TFAP2C: variants seen among roughly 807,000 people sequenced by gnomAD.
The protein encoded by TFAP2C is activating enhancer-binding protein 2 gamma.
Under a neutral mutation model 42.9 loss-of-function variants are expected in TFAP2C, and 9 were observed. That is an observed-to-expected ratio of 0.21 (90% CI 0.13 to 0.37). The LOEUF (loss-of-function observed/expected upper bound fraction) is 0.37. TFAP2C is among the 10% of genes least tolerant of loss of function. The pLI is 1.00. For missense variants in TFAP2C, 462 were observed against 591.7 expected, an observed-to-expected ratio of 0.78 and a Z score of 2.27; for synonymous variants, 264 against 256.0, an observed-to-expected ratio of 1.03 and a Z score of -0.30.
At position 56,629,759 on chromosome 20, in the gene TFAP2C, T is replaced by C. The variant is rs1418569801; in HGVS notation, c.48+167T>C. Among the ~76,000 whole-genome samples, 2 of 151,748 alleles carry C rather than the reference T, an allele frequency of 1.3e-5. No individual in the cohort carries two copies. The highest frequency in any genetic ancestry group is 2.0e-4 in the East Asian group (1 of 5,114). On this transcript the variant is annotated intron_variant, in intron 1 of 6. Coordinates refer to ENST00000201031, the MANE Select transcript of TFAP2C (RefSeq NM_003222.4). This position sits in a 1 kb window ranked among gnomAD's most constrained non-coding sequence, Gnocchi z 5.9. ...GTCCATTTCTGCGGGGCCCCTTTCC[T>C]GTATAGGGCCTTTTCCTAAATAGCC... is the stretch of plus-strand genomic sequence containing the variant.
chr20:56,636,538 AAAGAG>A (rs901062566), intron 5 of TFAP2C, 67 bp from the exon 6 acceptor site: 2 of 1,512,254 alleles, frequency 1.3e-6, no homozygotes, highest in Admixed American at 2.2e-5. Flanking sequence ...AAAAAAAAAA[AAAGAG>A]AGAGGAAAAG....
intron 5 of TFAP2C, among the ~76,000 whole-genome samples, chr20:56,635,470 T>G (rs918202437): frequency 6.6e-6 from 1 of 152,030 alleles, no homozygotes; most frequent in Admixed American, 6.6e-5. Context: ...AAAAGGGTGC[T>G]CCAAGTTGGT....
At position 56,634,760 on chromosome 20, in the gene TFAP2C, T is replaced by C. The variant is rs896495569; in HGVS notation, c.922+492T>C. On this transcript the variant is annotated intron_variant, in intron 5 of 6. Coordinates refer to ENST00000201031, the MANE Select transcript of TFAP2C (RefSeq NM_003222.4). ...ACGACTGGCCCGATTCACAATTCTA[T>C]TCTTCCCTCCCATCCAAAGAAAAAA... 3.3e-5 allele frequency among the ~76,000 whole-genome samples: 5 copies of C among 152,102 alleles called. 1 individual carries two copies. The South Asian group carries it at 1.0e-3, about 31-fold the overall frequency.
rs1322829509 is a variant in TFAP2C, at chr20:56,630,514, G to GCT, written c.49-690_49-689insTC. On this transcript the variant is annotated intron_variant, in intron 1 of 6. Coordinates refer to ENST00000201031, the MANE Select transcript of TFAP2C (RefSeq NM_003222.4). The surrounding 1 kb of genome is among the most constrained non-coding windows in gnomAD (Gnocchi z 5.1). ...TCATGCCCCCTCTGCGCCCCGACGTGCGAGAACACTGCCCTTGGCAGTGCA... is the reference window on the plus strand; with the variant it reads ...TCATGCCCCCTCTGCGCCCCGACGTGCTCGAGAACACTGCCCTTGGCAGTGCA... 1 of 352,046 alleles carries GCT rather than the reference G, an allele frequency of 2.8e-6. No homozygotes were observed. The highest frequency in any genetic ancestry group is 5.5e-6 in the Non-Finnish European group (1 of 182,964). The allele number at this position is 352,046 out of a possible 1,614,324, so 21.8% of individuals were successfully genotyped here.
rs1472080764 is a variant in TFAP2C, at chr20:56,638,658, CCTT to C, written c.*646_*648del. ...GAAGCCTGCTGATTGATTTTTTTCT[CCTT>C]TTTTTTTTTTTTTTTTTTTAACTTT... On this transcript the variant is annotated 3_prime_UTR_variant, in exon 7 of 7. Transcript: ENST00000201031. The C allele has an allele frequency of 1.4e-4, 19 of 136,478 alleles. No individual in the cohort carries two copies. Among genetic ancestry groups the C allele is most frequent in the African/African-American group, 4.8e-4 (17 of 35,550 alleles). 8.5% of individuals were successfully genotyped at this position (136,478 alleles called of 1,614,324 possible).
In TFAP2C at chr20:56,634,275, G is replaced by A; in HGVS notation, c.922+7G>A. 1 of 1,595,396 alleles carries A rather than the reference G, an allele frequency of 6.3e-7. No homozygotes were observed. The highest frequency in any genetic ancestry group is 1.7e-4 in the Middle Eastern group (1 of 6,026). Reference sequence around the variant, plus strand: ...CTGACATCCTTAGTAGAAGGTCAGTGGGGTTTTGTTTTTGGTTCGTGATGT... The same window carrying A: ...CTGACATCCTTAGTAGAAGGTCAGTAGGGTTTTGTTTTTGGTTCGTGATGT... On this transcript the variant is annotated splice_region_variant and intron_variant, in intron 5 of 6. Transcript: ENST00000201031.
In TFAP2C at chr20:56,638,250, C is replaced by A; in HGVS notation, c.*237C>A. On this transcript the variant is annotated 3_prime_UTR_variant, in exon 7 of 7. Transcript: ENST00000201031. ...TATCAGAAGGTGACAAGTACTGGCT[C>A]TTTATTCATTAAGCTTTTTTTTTTT... The A allele has an allele frequency of 2.2e-6, 1 of 450,638 alleles. No individual in the cohort carries two copies. Among genetic ancestry groups the A allele is most frequent in the Non-Finnish European group, 3.9e-6 (1 of 255,654 alleles). 27.9% of individuals were successfully genotyped at this position (450,638 alleles called of 1,614,324 possible).
chr20:56,632,502 T>C (rs1307316863), intron 3 of TFAP2C, among the ~76,000 whole-genome samples: 1 of 152,200 alleles, frequency 6.6e-6, no homozygotes, highest in African/African-American at 2.4e-5. Flanking sequence ...TTGACTGTTT[T>C]GGGAAATAGA....
chr20:56,631,714 C>A lies in TFAP2C; in HGVS notation c.534+24C>A. The A allele has an allele frequency of 6.2e-7, 1 of 1,604,888 alleles. No individual in the cohort carries two copies. Among genetic ancestry groups the A allele is most frequent in the Non-Finnish European group, 8.5e-7 (1 of 1,175,812 alleles). On this transcript the variant is annotated intron_variant, in intron 2 of 6. Transcript: ENST00000201031. This position sits in a 1 kb window ranked among gnomAD's most constrained non-coding sequence, Gnocchi z 6.1. ...AGGTGAGCGGCGCTGCGGCTCCTGA[C>A]CGGACCTGTTCACCCTACGGCCTTC...
intron 5 of TFAP2C, 149 bp from the exon 6 acceptor site, chr20:56,636,461 G>C: frequency 5.2e-6 from 4 of 764,946 alleles, no homozygotes; most frequent in African/African-American, 1.8e-5. Flanking sequence ...CGGAGGTGGA[G>C]GTTGCAGTGA....
Position 56,634,204 on chromosome 20 carries a change from G to C in TFAP2C, c.858G>C (p.Gly286=). 1 of 1,614,220 alleles carries C rather than the reference G, an allele frequency of 6.2e-7. No homozygotes were observed. Among genetic ancestry groups the C allele is most frequent in the Non-Finnish European group, 8.5e-7 (1 of 1,180,046 alleles). ...RSLREKLDKI[G]LNLPAGRRKA... is the part of the protein sequence containing the mutation. ...TGCGGGAGAAGTTGGACAAGATTGG[G>C]TTGAATCTTCCGGCCGGGAGGCGGA... The change falls in exon 5 of 7, where the codon GGG becomes GGC. Residue 286 remains glycine, a synonymous_variant. Transcript: ENST00000201031.
chr20:56,635,524 C>G (rs988880063), intron 5 of TFAP2C, among the ~76,000 whole-genome samples: 1 of 151,970 alleles, frequency 6.6e-6, no homozygotes, highest in African/African-American at 2.4e-5. Flanking sequence ...AAGAAACATT[C>G]TAGAGATCTG....
In TFAP2C at chr20:56,629,519, G is replaced by T. The variant is rs778682150; in HGVS notation, c.-26G>T. 2.9e-6 allele frequency: 4 copies of T among 1,402,062 alleles called. No individual in the cohort carries two copies. In the East Asian group the frequency reaches 8.2e-5, roughly 29 times the overall value. 86.9% of individuals were successfully genotyped at this position (1,402,062 alleles called of 1,614,324 possible). ...TGGGGGGATCCTGGATTTAACTGGC[G>T]ACTGTTTTGGGGGACGCCGGACGCC... is the stretch of plus-strand genomic sequence containing the variant. On this transcript the variant is annotated 5_prime_UTR_variant, in exon 1 of 7. Transcript: ENST00000201031. The surrounding 1 kb of genome is among the most constrained non-coding windows in gnomAD (Gnocchi z 5.9).
In TFAP2C at chr20:56,629,738, A is replaced by G. The variant is rs555662440; in HGVS notation, c.48+146A>G. On this transcript the variant is annotated intron_variant, in intron 1 of 6. Transcript: ENST00000201031. This position sits in a 1 kb window ranked among gnomAD's most constrained non-coding sequence, Gnocchi z 5.9. ...CACTTCTCCGGACACCCCTTAGTCC[A>G]TTTCTGCGGGGCCCCTTTCCTGTAT... 2.3e-5 allele frequency: 12 copies of G among 529,480 alleles called. No individual in the cohort carries two copies. In the South Asian group the frequency reaches 3.1e-4, roughly 13 times the overall value. 32.8% of individuals were successfully genotyped at this position (529,480 alleles called of 1,614,324 possible).
chr20:56,638,030 G>T lies in TFAP2C; in HGVS notation c.*17G>T. 6.2e-7 allele frequency: 1 copy of T among 1,606,446 alleles called. No homozygotes were observed. Among genetic ancestry groups the T allele is most frequent in the Non-Finnish European group, 8.5e-7 (1 of 1,175,676 alleles). The stretch of plus-strand genomic sequence containing the variant: ...AGGAAATAAAATTGGAACGAAGAAA[G>T]GTTAGGAGAGTAGGGAAGGAACAGG... On this transcript the variant is annotated 3_prime_UTR_variant, in exon 7 of 7. Coordinates refer to ENST00000201031, the MANE Select transcript of TFAP2C (RefSeq NM_003222.4).
intron 6 of TFAP2C, 141 bp downstream of exon 6, chr20:56,636,895 G>A: frequency 9.4e-7 from 1 of 1,059,590 alleles, no homozygotes; most frequent in Non-Finnish European, 1.3e-6. Context: ...AAATGGCAAG[G>A]GAGCTTCTTT....
At position 56,629,319 on chromosome 20, in the gene TFAP2C, C is replaced by A; in HGVS notation, c.-226C>A. ...CCGGCTATCGCCAGGACACACTGTT[C>A]GGGCGCGGCTTTCCCCGTCCGCGGA... On this transcript the variant is annotated 5_prime_UTR_variant, in exon 1 of 7. Transcript: ENST00000201031. The surrounding 1 kb of genome is among the most constrained non-coding windows in gnomAD (Gnocchi z 5.9). 2.5e-6 allele frequency: 1 copy of A among 397,384 alleles called. No individual in the cohort carries two copies. Among genetic ancestry groups the A allele is most frequent in the Non-Finnish European group, 4.4e-6 (1 of 225,804 alleles). The allele number at this position is 397,384 out of a possible 1,614,324, so 24.6% of individuals were successfully genotyped here.
rs1394428536 is a variant in TFAP2C at position 56,633,534 on chromosome 20, C to G, written c.768C>G (p.Cys256Trp). 1 of 1,614,064 alleles carries G rather than the reference C, an allele frequency of 6.2e-7. No homozygotes were observed. The highest frequency in any genetic ancestry group is 1.3e-5 in the African/African-American group (1 of 74,928). ...EVQRRLSPPECLNASLLGGVL... is the reference protein window; with the variant it reads ...EVQRRLSPPEWLNASLLGGVL... ...AGAGGCGACTGTCCCCACCTGAATG[C>G]TTAAATGCCTCGTTACTGGGAGGTG... The change falls in exon 4 of 7, where the codon TGC (cysteine) becomes TGG (tryptophan). Residue 256 changes from cysteine (C) to tryptophan (W), a missense_variant. Physicochemically the swap from Cys to Trp is radical, Grantham distance 215. Transcript: ENST00000201031.
rs1258955052 is a variant in TFAP2C, at chr20:56,631,869, G to T, written c.586+13G>T. The T allele has an allele frequency of 6.2e-7, 1 of 1,614,172 alleles. No homozygotes were observed. The highest frequency in any genetic ancestry group is 1.1e-5 in the South Asian group (1 of 91,086). On this transcript the variant is annotated intron_variant, in intron 3 of 6. Coordinates refer to ENST00000201031, the MANE Select transcript of TFAP2C (RefSeq NM_003222.4). The surrounding 1 kb of genome is among the most constrained non-coding windows in gnomAD (Gnocchi z 6.1). ...GTCATTCGCAAAGGTAAATAGCAAG[G>T]TGGCATCGTCTAACTCTGGTCACAC...
Sources: gnomAD v4.1 joint callset for allele counts (sites outside exome capture counted in the v4.1 genomes callset) on GRCh38, gnomAD v4.1.1 for gene constraint, Gnocchi (gnomAD v3.1) non-coding constraint, MANE v1.5 for transcripts, NCBI Gene and HGNC (gene_info 2026-07-23, HGNC 2026-07-21) for gene names.